Variants in TTLL7 observed in about 807,000 individuals in gnomAD.
TTLL7 encodes the protein tubulin polyglutamylase TTLL7.
Under a neutral mutation model 120.2 loss-of-function variants are expected in TTLL7, and 53 were observed. The observed-to-expected ratio is 0.44, with a 90% CI of 0.35 to 0.55. TTLL7 has a LOEUF of 0.55. TTLL7 is among the 20% of genes least tolerant of loss of function. The probability of loss-of-function intolerance (pLI) is 0.00; values close to 1 mark genes in which losing one functional copy is unlikely to be tolerated. For missense variants in TTLL7, 803 were observed against 1,054.7 expected, an observed-to-expected ratio of 0.76 and a Z score of 3.31; for synonymous variants, 353 against 351.7, an observed-to-expected ratio of 1.00 and a Z score of -0.04.
intron 18 of TTLL7, among the ~76,000 whole-genome samples, chr1:83,900,810 T>A (rs1656656405): frequency 6.6e-6 from 1 of 152,048 alleles, no homozygotes; most frequent in South Asian, 2.1e-4. Flanking sequence ...TAAAGACTTG[T>A]ACCAATGTAC....
chr1:83,963,831 C>T (rs998622587), intron 1 of TTLL7, among the ~76,000 whole-genome samples: 2 of 152,042 alleles, frequency 1.3e-5, no homozygotes, highest in African/African-American at 4.8e-5. Flanking sequence ...TACAATCAGG[C>T]AGAATTTGTC....
intron 1 of TTLL7, among the ~76,000 whole-genome samples, chr1:83,961,612 T>G (rs1251835821): frequency 6.6e-6 from 1 of 152,014 alleles, no homozygotes; most frequent in Admixed American, 6.6e-5. Flanking sequence ...AGTGGTGAAT[T>G]AAATAAAGTT....
chr1:83,876,692 T>C (rs1242373494), intron 20 of TTLL7, among the ~76,000 whole-genome samples: 2 of 151,974 alleles, frequency 1.3e-5, no homozygotes, highest in Non-Finnish European at 2.9e-5. Context: ...TTTGAAAAAA[T>C]ATTTAAAATT....
intron 20 of TTLL7, among the ~76,000 whole-genome samples, chr1:83,871,661 C>T (rs559616520): frequency 1.8e-4 from 27 of 151,640 alleles, no homozygotes; most frequent in Non-Finnish European, 3.1e-4. Flanking sequence ...TTTGGGAGGC[C>T]GAGACGGGCG....
chr1:83,910,384 T>A (rs191523228), intron 15 of TTLL7, among the ~76,000 whole-genome samples: 10 of 152,182 alleles, frequency 6.6e-5, no homozygotes, highest in African/African-American at 2.4e-4. Flanking sequence ...TTCAGAAAAG[T>A]CCTGGACTGG....
intron 18 of TTLL7, among the ~76,000 whole-genome samples, chr1:83,893,275 A>C (rs957315505): frequency 1.3e-5 from 2 of 152,094 alleles, no homozygotes; most frequent in African/African-American, 4.8e-5. Context: ...GAAATCCTAG[A>C]GGTCCTAAAA....
chr1:83,929,646 C>T (rs919877138), intron 9 of TTLL7, among the ~76,000 whole-genome samples: 2 of 152,132 alleles, frequency 1.3e-5, no homozygotes, highest in Non-Finnish European at 2.9e-5. Context: ...TAATTATATA[C>T]ATCTATATAT....
At chr1:83,952,082 G>T in intron 2 of TTLL7, 105 bp downstream of exon 2, 1 of 1,499,214 alleles carries the variant, frequency 6.7e-7, no homozygotes, top group South Asian at 1.2e-5. Context: ...ACAAATCCTG[G>T]TACTTTAAAA....
At chr1:83,892,126 G>A (rs1317356901) in intron 18 of TTLL7, among the ~76,000 whole-genome samples, 1 of 151,096 alleles carries the variant, frequency 6.6e-6, no homozygotes, top group East Asian at 2.0e-4. Flanking sequence ...ATCACCCCTG[G>A]CCATGATACG....
intron 9 of TTLL7, among the ~76,000 whole-genome samples, chr1:83,930,974 A>G (rs1267886053): frequency 6.6e-6 from 1 of 151,608 alleles, no homozygotes. Context: ...ACCTTTTTCA[A>G]TTTAGGTTTT....
At position 83,952,390 on chromosome 1, in the gene TTLL7, G is replaced by A. The variant is rs1435521480; in HGVS notation, c.-176-3C>T. ...AAAGTTATGGGATAACAAGGTACCT[G>A]CAGTGATTTTAAAACAAGGTCATTT... On this transcript the variant is annotated splice_region_variant and splice_polypyrimidine_tract_variant and intron_variant, in intron 1 of 20. Transcript: ENST00000260505. 2 of 533,608 alleles carry A rather than the reference G, an allele frequency of 3.7e-6. No individual in the cohort carries two copies. The highest frequency in any genetic ancestry group is 6.1e-6 in the Non-Finnish European group (2 of 325,936). 33.1% of individuals were successfully genotyped at this position (533,608 alleles called of 1,614,324 possible).
chr1:83,927,537 C>A (rs2100810450), intron 10 of TTLL7, among the ~76,000 whole-genome samples: 1 of 152,116 alleles, frequency 6.6e-6, no homozygotes, highest in African/African-American at 2.4e-5. Flanking sequence ...GGCAATCAGC[C>A]TAACTAAAAC....
rs1395743318 is a variant in TTLL7 at position 83,892,926 on chromosome 1, AAG to A, written c.2209-2447_2209-2446del. 1.7e-4 allele frequency among the ~76,000 whole-genome samples: 6 copies of A among 35,054 alleles called. No individual in the cohort carries two copies. In the East Asian group the frequency reaches 4.7e-3, roughly 27 times the overall value. 23.0% of individuals were successfully genotyped at this position (35,054 alleles called of 152,430 possible). A position where few individuals can be genotyped will look rare whatever the true frequency, so the allele number is the denominator to read the frequency against. Reference sequence around the variant, plus strand: ...GAAGGAAAAAGAAAAAAGAAAGAAAAAGAGAAAGAAAGAAAGAAAGAAAGAAA... The same window carrying A: ...GAAGGAAAAAGAAAAAAGAAAGAAAAAGAAAGAAAGAAAGAAAGAAAGAAA... On this transcript the variant is annotated intron_variant, in intron 18 of 20. Coordinates refer to ENST00000260505, the MANE Select transcript of TTLL7 (RefSeq NM_024686.6).
At chr1:83,958,149 G>A (rs1649688385) in intron 1 of TTLL7, among the ~76,000 whole-genome samples, 1 of 151,876 alleles carries the variant, frequency 6.6e-6, no homozygotes, top group South Asian at 2.1e-4. Flanking sequence ...CACTTTTTGA[G>A]GTTTATACAT....
intron 1 of TTLL7, among the ~76,000 whole-genome samples, chr1:83,964,046 A>G (rs1348794282): frequency 1.3e-5 from 2 of 152,272 alleles, no homozygotes; most frequent in African/African-American, 4.8e-5. Context: ...TTGCTTTTAG[A>G]TTATTAAACT....
chr1:83,995,026 C>T (rs1307595065), intron 1 of TTLL7, among the ~76,000 whole-genome samples: 2 of 152,124 alleles, frequency 1.3e-5, no homozygotes, highest in African/African-American at 4.8e-5. Flanking sequence ...TCAACTCTTA[C>T]TCACTCTCAC....
At chr1:83,989,285 T>C (rs1652764711) in intron 1 of TTLL7, among the ~76,000 whole-genome samples, 1 of 152,222 alleles carries the variant, frequency 6.6e-6, no homozygotes, top group African/African-American at 2.4e-5. Context: ...CTAGGTTTTC[T>C]TATAGGATTT....
intron 13 of TTLL7, 42 bp downstream of exon 13, chr1:83,919,657 A>G: frequency 6.5e-7 from 1 of 1,549,918 alleles, no homozygotes; most frequent in Non-Finnish European, 8.7e-7. Flanking sequence ...CATATTGTTT[A>G]GCTTTATTCT....
Position 83,921,114 on chromosome 1 carries a change from T to A in TTLL7, c.1337A>T (p.His446Leu), listed in dbSNP as rs1423447266. Residue 446 changes from histidine to leucine, a missense_variant, in exon 12 of 21, where the codon CAT (histidine) becomes CTT (leucine). By Grantham distance (99) the His-to-Leu change is moderately conservative (BLOSUM62 -3). This residue lies in a region of TTLL7 where 324 missense variants were observed against 507.7 expected (regional missense o/e 0.64). Coordinates refer to ENST00000260505, the MANE Select transcript of TTLL7 (RefSeq NM_024686.6). ...QVRKQISREE[H>L]ENRHMGNYRR... ...ATAATTCCCCATATGTCGATTTTCA[T>A]GTTCTTCTCGTGAGATCTGCTTTCG... The A allele has an allele frequency of 6.2e-7, 1 of 1,613,060 alleles. No homozygotes were observed. Among genetic ancestry groups the A allele is most frequent in the Non-Finnish European group, 8.5e-7 (1 of 1,179,588 alleles).
Sources: allele counts gnomAD v4.1 joint callset (sites outside exome capture counted in the v4.1 genomes callset), GRCh38; gene constraint gnomAD v4.1.1; regional missense constraint gnomAD v4.1.1; transcripts MANE v1.5; gene names NCBI Gene and HGNC (gene_info 2026-07-23, HGNC 2026-07-21).